The following HLCS variants were observed in gnomAD, a reference collection of about 807,000 sequenced individuals.
HLCS encodes the protein holocarboxylase synthetase, also known as biotin--protein ligase.
HLCS carries 53 observed loss-of-function variants against 75.0 expected under a neutral mutation model. That is an observed-to-expected ratio of 0.71 (90% CI 0.57 to 0.89). The LOEUF (loss-of-function observed/expected upper bound fraction) is 0.89, where lower values mean the gene tolerates loss of function less well. Ranked by LOEUF, HLCS falls within the 40% of genes least tolerant of loss-of-function variation. The pLI is 0.00. For synonymous variants in HLCS, 431 were observed against 428.6 expected (o/e 1.01, Z -0.07); for missense variants, 966 against 1,074.0 (o/e 0.90, Z 1.41).
At chr21:36,826,338 T>C (rs946032958) in intron 6 of HLCS, among the ~76,000 whole-genome samples, 1 of 152,124 alleles carries the variant, frequency 6.6e-6, no homozygotes, top group African/African-American at 2.4e-5. Context: ...GATCTCCCAG[T>C]GAGATACGTG....
At chr21:36,957,238 T>G (rs2068014605) in intron 2 of HLCS, among the ~76,000 whole-genome samples, 1 of 151,922 alleles carries the variant, frequency 6.6e-6, no homozygotes. Flanking sequence ...AGTGAGTGAG[T>G]TCTCACAAGA....
chr21:36,870,531 A>G (rs1465051089), intron 6 of HLCS, among the ~76,000 whole-genome samples: 1 of 152,182 alleles, frequency 6.6e-6, no homozygotes, highest in Admixed American at 6.5e-5. Flanking sequence ...ATTTCTACCT[A>G]TGTCATCCTC....
chr21:36,832,902 A>G (rs1203812970), intron 6 of HLCS, among the ~76,000 whole-genome samples: 1 of 152,172 alleles, frequency 6.6e-6, no homozygotes, highest in East Asian at 1.9e-4. Flanking sequence ...TGCCTTCTCT[A>G]GCACCACACT....
intron 4 of HLCS, among the ~76,000 whole-genome samples, chr21:36,931,457 C>G (rs905891208): frequency 6.6e-6 from 1 of 151,882 alleles, no homozygotes; most frequent in Non-Finnish European, 1.5e-5. Context: ...ATTTTAAGAG[C>G]GTTTGCAGGA....
chr21:36,861,378 T>C (rs139985356), intron 6 of HLCS, among the ~76,000 whole-genome samples: 116 of 152,338 alleles, frequency 7.6e-4, no homozygotes, highest in African/African-American at 2.6e-3. Flanking sequence ...ATGTTTGTTA[T>C]ACTTTCTTTT....
intron 6 of HLCS, among the ~76,000 whole-genome samples, chr21:36,809,628 A>G (rs1162444985): frequency 6.6e-6 from 1 of 151,952 alleles, no homozygotes; most frequent in Non-Finnish European, 1.5e-5. Flanking sequence ...AACTATTTTC[A>G]GTTCTAGAAT....
chr21:36,795,279 T>C (rs2060993663), intron 6 of HLCS, among the ~76,000 whole-genome samples: 1 of 152,216 alleles, frequency 6.6e-6, no homozygotes, highest in Non-Finnish European at 1.5e-5. Context: ...GCGCTTCGTC[T>C]TCTGCGAGGA....
At chr21:36,941,713 T>TA (rs1347768355) in intron 2 of HLCS, among the ~76,000 whole-genome samples, 1 of 151,856 alleles carries the variant, frequency 6.6e-6, no homozygotes, top group Non-Finnish European at 1.5e-5. Flanking sequence ...CTACTAAAAA[T>TA]ACAAAAATTG....
chr21:36,958,182 G>A (rs1334608551), intron 2 of HLCS, among the ~76,000 whole-genome samples: 2 of 151,298 alleles, frequency 1.3e-5, no homozygotes, highest in Admixed American at 6.6e-5. Flanking sequence ...GGCGGAGCTT[G>A]CAGTGAGCCG....
intron 5 of HLCS, among the ~76,000 whole-genome samples, chr21:36,916,631 C>G (rs542526887): frequency 6.6e-6 from 1 of 151,432 alleles, no homozygotes; most frequent in East Asian, 1.9e-4. Flanking sequence ...CTCAGCCTCC[C>G]GAAGTGCTGA....
At chr21:36,815,663 C>T (rs191897425) in intron 6 of HLCS, among the ~76,000 whole-genome samples, 29 of 152,182 alleles carry the variant, frequency 1.9e-4, no homozygotes, top group African/African-American at 6.7e-4. Flanking sequence ...ATTGAGATTT[C>T]GGGACCTGGC....
At chr21:36,975,550 T>C (rs2068914112) in intron 1 of HLCS, among the ~76,000 whole-genome samples, 1 of 152,192 alleles carries the variant, frequency 6.6e-6, no homozygotes, top group Non-Finnish European at 1.5e-5. Context: ...GCAGGCAGTC[T>C]TGCCTGGCAT....
In HLCS at chr21:36,834,487, C is replaced by T. The variant is rs60293754; in HGVS notation, c.1892+62373G>A. Among the ~76,000 whole-genome samples, 1,382 of 152,262 alleles carry T rather than the reference C, an allele frequency of 9.1e-3. 26 individuals are homozygous for T. Among genetic ancestry groups the T allele is most frequent in the African/African-American group, 0.031 (1,283 of 41,536 alleles). On this transcript the variant is annotated intron_variant, in intron 6 of 10. Coordinates refer to ENST00000674895, the MANE Select transcript of HLCS (RefSeq NM_001352514.2). ...AAGAGTGACTGAGCCCAGGGGTGGCCGAGCCTGACACTGTCTGGCTGCTTT... is the reference window on the plus strand; with the variant it reads ...AAGAGTGACTGAGCCCAGGGGTGGCTGAGCCTGACACTGTCTGGCTGCTTT...
At chr21:36,930,657 T>C (rs1407792907) in intron 4 of HLCS, among the ~76,000 whole-genome samples, 1 of 152,132 alleles carries the variant, frequency 6.6e-6, no homozygotes, top group Non-Finnish European at 1.5e-5. Context: ...AAAATTTCTT[T>C]ACCAGTTTTC....
At chr21:36,893,188 AG>A (rs2064865723) in intron 6 of HLCS, among the ~76,000 whole-genome samples, 1 of 152,128 alleles carries the variant, frequency 6.6e-6, no homozygotes, top group Non-Finnish European at 1.5e-5. Context: ...CTCCTGCCTC[AG>A]CCTCTTGAGT....
intron 1 of HLCS, among the ~76,000 whole-genome samples, chr21:36,982,136 A>T (rs1246857635): frequency 6.6e-6 from 1 of 151,922 alleles, no homozygotes; most frequent in Non-Finnish European, 1.5e-5. Context: ...CATTCTTTCT[A>T]TTCAATGTTT....
At chr21:36,915,839 G>A (rs750247717) in intron 5 of HLCS, among the ~76,000 whole-genome samples, 1 of 151,836 alleles carries the variant, frequency 6.6e-6, no homozygotes, top group African/African-American at 2.4e-5. Context: ...TGGACTGTGC[G>A]GGCAGCCGCT....
chr21:36,786,386 A>T (rs1466967888), intron 6 of HLCS, among the ~76,000 whole-genome samples: 1 of 152,144 alleles, frequency 6.6e-6, no homozygotes, highest in Non-Finnish European at 1.5e-5. Context: ...TGCCAACAAA[A>T]TGCCAGTAAA....
intron 6 of HLCS, among the ~76,000 whole-genome samples, chr21:36,856,977 T>C (rs2063217553): frequency 6.6e-6 from 1 of 152,262 alleles, no homozygotes. Context: ...GTTCTCACTT[T>C]GCATGGTCCC....
Sources: allele counts gnomAD v4.1 joint callset (sites outside exome capture counted in the v4.1 genomes callset), GRCh38; gene constraint gnomAD v4.1.1; transcripts MANE v1.5; gene names NCBI Gene and HGNC (gene_info 2026-07-23, HGNC 2026-07-21).